SMPDL3A: variants seen among roughly 807,000 people sequenced by gnomAD.
SMPDL3A encodes the protein cyclic GMP-AMP phosphodiesterase SMPDL3A.
SMPDL3A carries 39 observed loss-of-function variants against 38.5 expected under a neutral mutation model. The ratio of observed to expected loss-of-function variants is 1.01; its 90% CI spans 0.78 to 1.32. The LOEUF is 1.32. Among genes scored for constraint, SMPDL3A ranks in the 40% most tolerant of loss-of-function variants. SMPDL3A has a pLI of 0.00. For synonymous variants in SMPDL3A, 180 were observed against 194.3 expected (o/e 0.93, Z 0.61); for missense variants, 502 against 536.2 (o/e 0.94, Z 0.63).
intron 3 of SMPDL3A, among the ~76,000 whole-genome samples, chr6:122,800,508 C>T (rs1781393333): frequency 6.6e-6 from 1 of 152,224 alleles, no homozygotes; most frequent in Non-Finnish European, 1.5e-5. Flanking sequence ...AATGAGCACA[C>T]TCCCACATCC....
chr6:122,809,048 T>C, intron 7 of SMPDL3A, 43 bp from the exon 8 acceptor site: 1 of 1,469,714 alleles, frequency 6.8e-7, no homozygotes, highest in East Asian at 2.3e-5. Context: ...ATGCCTTATG[T>C]GCCAAAAAGT....
rs1019262131 is a variant in SMPDL3A at position 122,789,283 on chromosome 6, G to C, written c.-64G>C. The C allele has an allele frequency of 2.5e-6, 3 of 1,208,130 alleles. No homozygotes were observed. In the African/African-American group the frequency reaches 4.6e-5, roughly 19 times the overall value. 74.8% of individuals were successfully genotyped at this position (1,208,130 alleles called of 1,614,324 possible). On this transcript the variant is annotated 5_prime_UTR_variant, in exon 1 of 8. Coordinates refer to ENST00000368440, the MANE Select transcript of SMPDL3A (RefSeq NM_006714.5). ...GTCTTCTGTCTCCGCCTCACCCTCAGGCCTGACGGTCCGAGTGGAGCTGCG... is the reference window on the plus strand; with the variant it reads ...GTCTTCTGTCTCCGCCTCACCCTCACGCCTGACGGTCCGAGTGGAGCTGCG...
At chr6:122,795,314 T>C (rs1781207196) in intron 1 of SMPDL3A, among the ~76,000 whole-genome samples, 1 of 152,120 alleles carries the variant, frequency 6.6e-6, no homozygotes, top group Non-Finnish European at 1.5e-5. Context: ...GCTAATTTTT[T>C]ATATTTTTGG....
At chr6:122,795,432 C>T (rs767223659) in intron 1 of SMPDL3A, among the ~76,000 whole-genome samples, 20 of 152,010 alleles carry the variant, frequency 1.3e-4, no homozygotes, top group Non-Finnish European at 2.5e-4. Context: ...CATGAGCCAC[C>T]GCGCCCGGCC....
At chr6:122,806,441 C>T in intron 7 of SMPDL3A, 84 bp downstream of exon 7, 4 of 1,362,366 alleles carry the variant, frequency 2.9e-6, no homozygotes, top group Non-Finnish European at 4.0e-6. Flanking sequence ...TTTCTCAGGA[C>T]AGTCATGTGA....
intron 3 of SMPDL3A, among the ~76,000 whole-genome samples, chr6:122,799,780 C>T (rs561585500): frequency 1.3e-5 from 2 of 152,226 alleles, no homozygotes; most frequent in East Asian, 3.9e-4. Flanking sequence ...AGGACTTGGG[C>T]ATCTTCTTGA....
chr6:122,789,482 T>G, intron 1 of SMPDL3A, 24 bp downstream of exon 1: 3 of 1,526,136 alleles, frequency 2.0e-6, no homozygotes, highest in Non-Finnish European at 2.7e-6. Context: ...GACCCTTCTC[T>G]TCCCAGCCGG....
At chr6:122,797,094 A>C in intron 3 of SMPDL3A, 126 bp downstream of exon 3, 1 of 678,212 alleles carries the variant, frequency 1.5e-6, no homozygotes, top group South Asian at 2.4e-5. Context: ...TATGGTCTTA[A>C]TCCTAACCAT....
At chr6:122,789,551 G>GC in intron 1 of SMPDL3A, 93 bp downstream of exon 1, 1 of 1,155,064 alleles carries the variant, frequency 8.7e-7, no homozygotes. Context: ...GGGGGCAGCT[G>GC]CCCCCGGCAG....
At position 122,809,223 on chromosome 6, in the gene SMPDL3A, A is replaced by G; in HGVS notation, c.1177A>G (p.Lys393Glu). ...GCCGGAAAGTTTATATGGATTAGCT[A>G]AACAATTTACAATCCTAGACAGTAA... Reference protein sequence around the residue: ...LQPESLYGLAKQFTILDSKQF... With the variant: ...LQPESLYGLAEQFTILDSKQF... Residue 393 changes from lysine to glutamate, a missense_variant, in exon 8 of 8, where the codon AAA becomes GAA. Coordinates refer to ENST00000368440, the MANE Select transcript of SMPDL3A (RefSeq NM_006714.5). The G allele has an allele frequency of 6.2e-7, 1 of 1,614,212 alleles. No homozygotes were observed. Among genetic ancestry groups the G allele is most frequent in the African/African-American group, 1.3e-5 (1 of 75,054 alleles).
intron 5 of SMPDL3A, 90 bp downstream of exon 5, chr6:122,803,923 A>T: frequency 9.9e-7 from 1 of 1,009,192 alleles, no homozygotes; most frequent in East Asian, 2.4e-5. Flanking sequence ...AGTATCAATA[A>T]AAGTATTATA....
chr6:122,796,753 CG>C, intron 2 of SMPDL3A, 70 bp from the exon 3 acceptor site: 2 of 1,319,410 alleles, frequency 1.5e-6, no homozygotes, highest in Non-Finnish European at 2.1e-6. Flanking sequence ...GGTATAGCAA[CG>C]CATCATGCAT....
At position 122,803,844 on chromosome 6, in the gene SMPDL3A, TA is replaced by T; in HGVS notation, c.738+12del. ...CAGAATAAGGAGAAGGTAGATCCCA[TA>T]GACCAAAACCATCTGGGAATAAACG... On this transcript the variant is annotated intron_variant, in intron 5 of 7. Transcript: ENST00000368440. 6.2e-7 allele frequency: 1 copy of T among 1,611,564 alleles called. No homozygotes were observed. The highest frequency in any genetic ancestry group is 8.5e-7 in the Non-Finnish European group (1 of 1,179,014).
At chr6:122,804,874 A>C in intron 5 of SMPDL3A, 35 bp from the exon 6 acceptor site, 79 of 1,389,916 alleles carry the variant, frequency 5.7e-5, no homozygotes, top group Non-Finnish European at 7.3e-5. Context: ...GTGCAGAAAG[A>C]TTCTCATGAG....
At position 122,796,926 on chromosome 6, in the gene SMPDL3A, C is replaced by T; in HGVS notation, c.429C>T (p.Leu143=). 1 of 1,613,670 alleles carries T rather than the reference C, an allele frequency of 6.2e-7. No homozygotes were observed. The highest frequency in any genetic ancestry group is 8.5e-7 in the Non-Finnish European group (1 of 1,179,698). The stretch of plus-strand genomic sequence containing the variant: ...CCATCCAGAGTCTCTTTCCAAATCT[C>T]CAGGTTTTCCCTGCGCTGGGTAATC... ...TTTIQSLFPN[L]QVFPALGNHD... Residue 143 remains leucine (L), a synonymous_variant, in exon 3 of 8, where the codon CTC becomes CTT. Transcript: ENST00000368440.
intron 5 of SMPDL3A, among the ~76,000 whole-genome samples, chr6:122,804,558 T>G (rs1781540112): frequency 6.6e-6 from 1 of 150,696 alleles, no homozygotes; most frequent in Non-Finnish European, 1.5e-5. Flanking sequence ...AACTCTGCTT[T>G]GGCATCCCAA....
At chr6:122,793,481 C>A (rs1328042975) in intron 1 of SMPDL3A, among the ~76,000 whole-genome samples, 1 of 152,150 alleles carries the variant, frequency 6.6e-6, no homozygotes, top group Non-Finnish European at 1.5e-5. Context: ...AATACATGTT[C>A]ACGTTAAAAT....
intron 3 of SMPDL3A, among the ~76,000 whole-genome samples, chr6:122,800,999 C>T (rs1781412270): frequency 6.6e-6 from 1 of 152,204 alleles, no homozygotes; most frequent in Non-Finnish European, 1.5e-5. Flanking sequence ...GATCCGCCTG[C>T]CTTGGCCTCC....
intron 7 of SMPDL3A, 54 bp downstream of exon 7, chr6:122,806,411 T>C: frequency 6.5e-7 from 1 of 1,531,116 alleles, no homozygotes; most frequent in Non-Finnish European, 8.9e-7. Context: ...CTTTGCAGTT[T>C]TCATTAATTT....
Sources: gnomAD v4.1 joint callset for allele counts (sites outside exome capture counted in the v4.1 genomes callset) on GRCh38, gnomAD v4.1.1 for gene constraint, MANE v1.5 for transcripts, NCBI Gene and HGNC (gene_info 2026-07-23, HGNC 2026-07-21) for gene names.